The following LIPI variants were observed in gnomAD, a reference collection of about 807,000 sequenced individuals.
LIPI encodes the protein lipase member I.
Under a neutral mutation model 50.6 loss-of-function variants are expected in LIPI, and 59 were observed. The observed-to-expected ratio is 1.16, with a 90% CI of 0.94 to 1.45. LIPI has a LOEUF of 1.45. Among genes scored for constraint, LIPI ranks in the 40% most tolerant of loss-of-function variants. The pLI is 0.00. For missense variants in LIPI, 586 were observed against 536.3 expected, an observed-to-expected ratio of 1.09 and a Z score of -0.92; for synonymous variants, 203 against 178.2, an observed-to-expected ratio of 1.14 and a Z score of -1.11.
chr21:14,142,085 G>A (rs2017730638), intron 9 of LIPI, among the ~76,000 whole-genome samples: 1 of 152,112 alleles, frequency 6.6e-6, no homozygotes, highest in African/African-American at 2.4e-5. Context: ...CCCCTTTACA[G>A]CCTAGCCTTA....
chr21:14,159,164 C>T (rs939675311), intron 7 of LIPI, among the ~76,000 whole-genome samples: 2 of 151,298 alleles, frequency 1.3e-5, no homozygotes, highest in African/African-American at 2.4e-5. Context: ...AGTACGAATA[C>T]GCTATTACTG....
chr21:14,152,332 T>A (rs1397829810), intron 8 of LIPI, among the ~76,000 whole-genome samples: 2 of 152,026 alleles, frequency 1.3e-5, no homozygotes, highest in African/African-American at 2.4e-5. Context: ...CATCTCCTGA[T>A]ACGCTTAGAA....
In LIPI at chr21:14,189,220, T is replaced by A. The variant is rs747897137; in HGVS notation, c.246A>T (p.Gly82=). 11 of 1,613,980 alleles carry A rather than the reference T, an allele frequency of 6.8e-6. No individual in the cohort carries two copies. Among genetic ancestry groups the A allele is most frequent in the Non-Finnish European group, 9.3e-6 (11 of 1,179,968 alleles). The change falls in exon 2 of 10, where the codon GGA becomes GGT. Residue 82 remains glycine (G), a synonymous_variant. Transcript: ENST00000681601. Reference sequence around the variant, plus strand: ...ATGGGATGGAGCCTACTGGTCTGTATCCGTGAATAAGCCAGACTGTTTTCT... The same window carrying A: ...ATGGGATGGAGCCTACTGGTCTGTAACCGTGAATAAGCCAGACTGTTTTCT... ...TQKKTVWLIH[G]YRPVGSIPLW... is the part of the protein sequence containing the mutation.
chr21:14,130,925 C>T (rs1422037936), intron 9 of LIPI, among the ~76,000 whole-genome samples: 2 of 152,092 alleles, frequency 1.3e-5, no homozygotes, highest in Non-Finnish European at 2.9e-5. Context: ...TGGCTCACCA[C>T]TCCCACTACT....
chr21:14,194,488 A>C (rs1388111673), intron 1 of LIPI, among the ~76,000 whole-genome samples: 2 of 152,180 alleles, frequency 1.3e-5, no homozygotes, highest in African/African-American at 4.8e-5. Context: ...AAATTGACAC[A>C]TACTACAATA....
At chr21:14,209,144 GAATA>G (rs1483322559) in intron 1 of LIPI, among the ~76,000 whole-genome samples, 5 of 152,258 alleles carry the variant, frequency 3.3e-5, no homozygotes, top group South Asian at 2.1e-4. Context: ...ACTGTACTAA[GAATA>G]AATATGCATA....
At chr21:14,114,668 G>A (rs994229188) in intron 9 of LIPI, among the ~76,000 whole-genome samples, 5 of 152,150 alleles carry the variant, frequency 3.3e-5, no homozygotes, top group African/African-American at 7.2e-5. Flanking sequence ...TAAGGTTGGC[G>A]GTCTTTGGTC....
At chr21:14,129,905 T>G (rs561083709) in intron 9 of LIPI, among the ~76,000 whole-genome samples, 1 of 152,114 alleles carries the variant, frequency 6.6e-6, no homozygotes, top group South Asian at 2.1e-4. Flanking sequence ...ATACATATGG[T>G]ACTCTCACTG....
chr21:14,154,149 G>A (rs1423974481), intron 7 of LIPI, among the ~76,000 whole-genome samples: 1 of 143,698 alleles, frequency 7.0e-6, no homozygotes, highest in East Asian at 2.2e-4. Flanking sequence ...AAACCACTGA[G>A]ACTGGAAAAT....
intron 6 of LIPI, among the ~76,000 whole-genome samples, chr21:14,164,786 G>A (rs1322110335): frequency 1.3e-5 from 2 of 152,114 alleles, no homozygotes; most frequent in Non-Finnish European, 2.9e-5. Flanking sequence ...CATGTTTCAT[G>A]TCTACTTGGT....
chr21:14,131,288 C>A lies in LIPI; in HGVS notation c.1295+13335G>T, dbSNP rs555113759. Among the ~76,000 whole-genome samples the A allele has an allele frequency of 3.9e-5, 6 of 152,188 alleles. No homozygotes were observed. The South Asian group carries it at 1.2e-3, about 32-fold the overall frequency. On this transcript the variant is annotated intron_variant, in intron 9 of 9. Transcript: ENST00000681601. ...CTCCAGGACCAACTAGCACTGGGGC[C>A]AGTATAGGCTGTTCTGGGGCCTAAA... is the stretch of plus-strand genomic sequence containing the variant.
At chr21:14,130,485 T>G (rs1156964059) in intron 9 of LIPI, among the ~76,000 whole-genome samples, 1 of 152,170 alleles carries the variant, frequency 6.6e-6, no homozygotes, top group African/African-American at 2.4e-5. Context: ...TCTGTATATC[T>G]AGGATAATAC....
At chr21:14,176,694 TACAA>T (rs897514051) in intron 4 of LIPI, among the ~76,000 whole-genome samples, 11 of 150,598 alleles carry the variant, frequency 7.3e-5, no homozygotes, top group Admixed American at 7.3e-4. Flanking sequence ...TTTTTTCAGA[TACAA>T]ACATTTTTAT....
At chr21:14,171,214 G>C (rs1212606970) in intron 4 of LIPI, among the ~76,000 whole-genome samples, 1 of 150,840 alleles carries the variant, frequency 6.6e-6, no homozygotes, top group Non-Finnish European at 1.5e-5. Flanking sequence ...TGAAATAAAA[G>C]AGGATACAAA....
At chr21:14,182,436 G>T (rs373480740) in intron 3 of LIPI, among the ~76,000 whole-genome samples, 3 of 152,220 alleles carry the variant, frequency 2.0e-5, no homozygotes, top group East Asian at 3.9e-4. Flanking sequence ...AAATAAAAAT[G>T]CTAGGCTCAT....
At chr21:14,149,199 A>G (rs961613341) in intron 8 of LIPI, among the ~76,000 whole-genome samples, 2 of 152,192 alleles carry the variant, frequency 1.3e-5, no homozygotes, top group African/African-American at 4.8e-5. Flanking sequence ...AGGGAAAGCA[A>G]CATGACCTAC....
Position 14,108,881 on chromosome 21 carries a change from A to G in LIPI, c.*112T>C. 1 of 1,340,364 alleles carries G rather than the reference A, an allele frequency of 7.5e-7. No individual in the cohort carries two copies. Among genetic ancestry groups the G allele is most frequent in the Non-Finnish European group, 1.0e-6 (1 of 958,158 alleles). The allele number at this position is 1,340,364 out of a possible 1,614,324, so 83.0% of individuals were successfully genotyped here. On this transcript the variant is annotated 3_prime_UTR_variant, in exon 10 of 10. Transcript: ENST00000681601. Reference sequence around the variant, plus strand: ...TGATTCTTAAAATTTTTTCCAAGAAATAGAAATACTTGAATCTCAAATTGA... The same window carrying G: ...TGATTCTTAAAATTTTTTCCAAGAAGTAGAAATACTTGAATCTCAAATTGA...
At chr21:14,201,637 C>G (rs980141231) in intron 1 of LIPI, among the ~76,000 whole-genome samples, 67 of 152,114 alleles carry the variant, frequency 4.4e-4, no homozygotes, top group Non-Finnish European at 2.4e-4. Context: ...ATTCAACAAC[C>G]CTTCATGCTA....
intron 4 of LIPI, among the ~76,000 whole-genome samples, chr21:14,171,705 A>G (rs1253886785): frequency 6.6e-6 from 1 of 151,982 alleles, no homozygotes; most frequent in Non-Finnish European, 1.5e-5. Flanking sequence ...CACCTTATAC[A>G]AAAATTAATT....
Sources: allele counts gnomAD v4.1 joint callset (sites outside exome capture counted in the v4.1 genomes callset), GRCh38; gene constraint gnomAD v4.1.1; transcripts MANE v1.5; gene names NCBI Gene and HGNC (gene_info 2026-07-23, HGNC 2026-07-21).